Variants in PLAC8 observed in about 807,000 individuals in gnomAD.
The protein encoded by PLAC8 is placenta associated 8, also known as placenta-specific gene 8 protein.
Under a neutral mutation model 12.6 loss-of-function variants are expected in PLAC8, and 6 were observed. That is an observed-to-expected ratio of 0.48 (90% CI 0.26 to 0.94). The LOEUF (loss-of-function observed/expected upper bound fraction) is 0.94, where lower values mean the gene tolerates loss of function less well. Ranked by LOEUF, PLAC8 falls within the 40% of genes least tolerant of loss-of-function variation. PLAC8 has a pLI of 0.14. For missense variants in PLAC8, 122 were observed against 152.7 expected, an observed-to-expected ratio of 0.80 and a Z score of 1.06; for synonymous variants, 54 against 52.6, an observed-to-expected ratio of 1.03 and a Z score of -0.11.
At chr4:83,105,949 G>C (rs1243797390) in intron 2 of PLAC8, among the ~76,000 whole-genome samples, 21 of 151,806 alleles carry the variant, frequency 1.4e-4, no homozygotes, top group Admixed American at 1.4e-3. Flanking sequence ...TCATTCCCTA[G>C]GTAATTTTCC....
At chr4:83,098,516 T>C (rs1327472374) in intron 3 of PLAC8, among the ~76,000 whole-genome samples, 1 of 152,258 alleles carries the variant, frequency 6.6e-6, no homozygotes, top group Non-Finnish European at 1.5e-5. Context: ...AAACTAGCTT[T>C]AGCACCAAAG....
intron 3 of PLAC8, among the ~76,000 whole-genome samples, chr4:83,097,940 C>G (rs1027938479): frequency 2.0e-5 from 3 of 147,128 alleles, no homozygotes; most frequent in African/African-American, 7.5e-5. Flanking sequence ...CTCACCGCAA[C>G]CTCCGCCTCC....
At chr4:83,113,175 T>C (rs1321076896) in intron 1 of PLAC8, among the ~76,000 whole-genome samples, 2 of 152,240 alleles carry the variant, frequency 1.3e-5, no homozygotes, top group Non-Finnish European at 1.5e-5. Context: ...CCTTATGCCA[T>C]AGGCTTTTGT....
At chr4:83,100,004 C>CAAA (rs775470981) in intron 3 of PLAC8, among the ~76,000 whole-genome samples, 1 of 103,618 alleles carries the variant, frequency 9.7e-6, no homozygotes, top group Non-Finnish European at 2.0e-5. Flanking sequence ...GACTCTGTCT[C>CAAA]AAAAAAAAAA....
At position 83,107,927 on chromosome 4, in the gene PLAC8, G is replaced by A; in HGVS notation, c.-6C>T. 1 of 1,481,882 alleles carries A rather than the reference G, an allele frequency of 6.7e-7. No homozygotes were observed. Among genetic ancestry groups the A allele is most frequent in the East Asian group, 2.9e-5 (1 of 34,700 alleles). The allele number at this position is 1,481,882 out of a possible 1,614,324, so 91.8% of individuals were successfully genotyped here. On this transcript the variant is annotated 5_prime_UTR_variant, in exon 2 of 5. Coordinates refer to ENST00000311507, the MANE Select transcript of PLAC8 (RefSeq NM_016619.3). ...ACCGGCGCCTGAGCTTGCATTTTCA[G>A]TGCAGGGCCTTAAAAGCAGTGGACT...
At chr4:83,108,959 G>T (rs958200274) in intron 1 of PLAC8, among the ~76,000 whole-genome samples, 1 of 152,066 alleles carries the variant, frequency 6.6e-6, no homozygotes, top group Non-Finnish European at 1.5e-5. Flanking sequence ...CTGTGTCAGC[G>T]CTGGCCTGAC....
chr4:83,096,840 T>C (rs138031641), intron 3 of PLAC8, among the ~76,000 whole-genome samples: 6 of 152,358 alleles, frequency 3.9e-5, no homozygotes, highest in Non-Finnish European at 7.3e-5. Flanking sequence ...CATATGGGGA[T>C]ACTTTCTTTT....
intron 3 of PLAC8, among the ~76,000 whole-genome samples, chr4:83,099,674 T>G (rs546868636): frequency 2.4e-4 from 36 of 152,166 alleles, no homozygotes; most frequent in Non-Finnish European, 1.6e-4. Flanking sequence ...CAATAGTGCG[T>G]GAGTTCTCGT....
intron 3 of PLAC8, among the ~76,000 whole-genome samples, chr4:83,101,039 G>T (rs1240023179): frequency 6.6e-6 from 1 of 152,172 alleles, no homozygotes; most frequent in African/African-American, 2.4e-5. Flanking sequence ...CTAATCCACA[G>T]CAAGGCCCCA....
chr4:83,099,101 C>T (rs76347916), intron 3 of PLAC8, among the ~76,000 whole-genome samples: 1 of 152,068 alleles, frequency 6.6e-6, no homozygotes, highest in Admixed American at 6.6e-5. Flanking sequence ...TGTTAAATGA[C>T]TGTGTGCCAC....
intron 1 of PLAC8, among the ~76,000 whole-genome samples, chr4:83,110,279 A>G (rs1244647405): frequency 8.0e-6 from 1 of 124,302 alleles, no homozygotes; most frequent in East Asian, 2.3e-4. Flanking sequence ...AATGCTTATT[A>G]GATGGACCCT....
At chr4:83,091,689 G>A (rs1377433267) in intron 4 of PLAC8, among the ~76,000 whole-genome samples, 2 of 152,110 alleles carry the variant, frequency 1.3e-5, no homozygotes, top group Non-Finnish European at 2.9e-5. Context: ...TCAGGGTGGG[G>A]AATCATGCCG....
chr4:83,107,425 TG>T (rs1469936859), intron 2 of PLAC8, among the ~76,000 whole-genome samples: 1 of 151,960 alleles, frequency 6.6e-6, no homozygotes, highest in Non-Finnish European at 1.5e-5. Flanking sequence ...ATTTATATGT[TG>T]CAAGAACAGT....
intron 3 of PLAC8, among the ~76,000 whole-genome samples, chr4:83,099,233 T>C (rs1041330181): frequency 5.8e-5 from 8 of 136,910 alleles, no homozygotes; most frequent in African/African-American, 2.2e-4. Flanking sequence ...TAATCAGCTA[T>C]AACTTTTTTT....
At chr4:83,094,829 C>T in intron 3 of PLAC8, 38 bp from the exon 4 acceptor site, 1 of 1,277,462 alleles carries the variant, frequency 7.8e-7, no homozygotes, top group Non-Finnish European at 1.1e-6. Flanking sequence ...ATATAAAATT[C>T]ACCTATTTGG....
intron 1 of PLAC8, among the ~76,000 whole-genome samples, chr4:83,112,942 C>T (rs1371615209): frequency 6.6e-6 from 1 of 152,148 alleles, no homozygotes; most frequent in African/African-American, 2.4e-5. Flanking sequence ...CAGCTTGTCT[C>T]CTTAGTTCAG....
intron 1 of PLAC8, among the ~76,000 whole-genome samples, chr4:83,110,670 G>C (rs1732404248): frequency 6.6e-6 from 1 of 152,182 alleles, no homozygotes; most frequent in Non-Finnish European, 1.5e-5. Flanking sequence ...CGAGAGCCCA[G>C]CCCTGGAAAC....
chr4:83,105,585 T>C lies in PLAC8; in HGVS notation c.119-565A>G, dbSNP rs187825895. 2.6e-5 allele frequency among the ~76,000 whole-genome samples: 4 copies of C among 152,298 alleles called. 1 individual carries two copies. The East Asian group carries it at 7.7e-4, about 29-fold the overall frequency. ...CTGGAGCCCTGGGATGGGATGAGGA[T>C]TTAACTGGGGGTTGAGGCAGGTTGG... On this transcript the variant is annotated intron_variant, in intron 2 of 4. Coordinates refer to ENST00000311507, the MANE Select transcript of PLAC8 (RefSeq NM_016619.3).
chr4:83,111,641 C>A (rs995498087), intron 1 of PLAC8, among the ~76,000 whole-genome samples: 1 of 152,130 alleles, frequency 6.6e-6, no homozygotes, highest in Non-Finnish European at 1.5e-5. Flanking sequence ...AAAACATGTT[C>A]ATTTAACACC....
Sources: gnomAD v4.1 joint callset for allele counts (sites outside exome capture counted in the v4.1 genomes callset) on GRCh38, gnomAD v4.1.1 for gene constraint, MANE v1.5 for transcripts, NCBI Gene and HGNC (gene_info 2026-07-23, HGNC 2026-07-21) for gene names.